Variants in CTTNBP2 observed in about 807,000 individuals in gnomAD.
The protein encoded by CTTNBP2 is cortactin-binding protein 2.
In CTTNBP2, 108 loss-of-function variants were observed where a neutral mutation model predicts 156.9. That is an observed-to-expected ratio of 0.69 (90% CI 0.59 to 0.81). The LOEUF (loss-of-function observed/expected upper bound fraction) is 0.81. CTTNBP2 is among the 30% of genes least tolerant of loss of function. The pLI, the probability that CTTNBP2 is intolerant of heterozygous loss-of-function variation, is 0.00. For synonymous variants in CTTNBP2, 767 were observed against 751.8 expected (o/e 1.02, Z -0.33); for missense variants, 1,924 against 2,035.4 (o/e 0.95, Z 1.05).
At chr7:117,758,228 A>C (rs1295811739) in intron 10 of CTTNBP2, 3 of 443,828 alleles carry the variant, frequency 6.8e-6, no homozygotes, top group East Asian at 7.4e-5. Context: ...GAGATCTAGA[A>C]AGCAAATATA....
intron 20 of CTTNBP2, among the ~76,000 whole-genome samples, chr7:117,720,764 C>T (rs1794742630): frequency 6.6e-6 from 1 of 152,166 alleles, no homozygotes; most frequent in African/African-American, 2.4e-5. Context: ...TCTAAAAGTT[C>T]ACAAATGCAT....
Position 117,784,328 on chromosome 7 carries a change from T to A in CTTNBP2, c.2195A>T (p.Glu732Val). ...NVTLLSMLLN[E>V]EGLDINYSCE... is the part of the protein sequence containing the mutation. ...GGAGTAATTAATGTCCAGTCCTTCT[T>A]CATTAAGCAGCATTGATAATAAAGT... The change falls in exon 5 of 23, where the codon GAA becomes GTA. Residue 732 changes from glutamate (E) to valine (V), a missense_variant. By Grantham distance (121) the Glu-to-Val change is moderately radical (BLOSUM62 -2). Coordinates refer to ENST00000160373, the MANE Select transcript of CTTNBP2 (RefSeq NM_033427.3). 1 of 1,613,970 alleles carries A rather than the reference T, an allele frequency of 6.2e-7. No individual in the cohort carries two copies. The highest frequency in any genetic ancestry group is 8.5e-7 in the Non-Finnish European group (1 of 1,179,964).
intron 2 of CTTNBP2, among the ~76,000 whole-genome samples, chr7:117,859,246 T>C (rs1372927892): frequency 6.6e-6 from 1 of 152,192 alleles, no homozygotes; most frequent in African/African-American, 2.4e-5. Context: ...CATCTAAGGC[T>C]CCCTGTAATT....
chr7:117,747,315 G>A (rs1174552359), intron 12 of CTTNBP2, among the ~76,000 whole-genome samples: 1 of 152,116 alleles, frequency 6.6e-6, no homozygotes, highest in Non-Finnish European at 1.5e-5. Context: ...CACAGGAAAA[G>A]GCCCATCCTT....
At chr7:117,734,127 G>C (rs1795553380) in intron 16 of CTTNBP2, among the ~76,000 whole-genome samples, 1 of 152,192 alleles carries the variant, frequency 6.6e-6, no homozygotes, top group African/African-American at 2.4e-5. Flanking sequence ...CTGGACCTGG[G>C]ACCTGAGACG....
chr7:117,725,181 T>A lies in CTTNBP2; in HGVS notation c.4132A>T (p.Arg1378Ter), dbSNP rs1562954050. 1 of 1,614,042 alleles carries A rather than the reference T, an allele frequency of 6.2e-7. No homozygotes were observed. The change falls in exon 18 of 23, where the codon AGA (arginine) becomes TGA (stop). Residue 1378 changes from arginine to a stop codon, truncating the protein, a stop_gained. Transcript: ENST00000160373. LOFTEE classifies it high-confidence loss of function. ...EAILSRASVK[R>*]QPGFGQTTAK... ...GTTGTCTGCCCAAAGCCAGGTTGTC[T>A]TTTCACAGAGGCTCTTGACAATATT...
rs535299833 is a variant in CTTNBP2, at chr7:117,797,488, G to A, written c.415-4707C>T. 2.6e-5 allele frequency among the ~76,000 whole-genome samples: 4 copies of A among 152,130 alleles called. 1 individual carries two copies. The South Asian group carries it at 6.2e-4, about 24-fold the overall frequency. ...TAGAGAAAAGTAGTCAATAAAAACC[G>A]GCCCAAGATGATCCACGCTGGAATT... On this transcript the variant is annotated intron_variant, in intron 3 of 22. Coordinates refer to ENST00000160373, the MANE Select transcript of CTTNBP2 (RefSeq NM_033427.3).
intron 14 of CTTNBP2, among the ~76,000 whole-genome samples, chr7:117,740,312 T>G (rs1272279105): frequency 1.3e-5 from 2 of 151,820 alleles, no homozygotes; most frequent in African/African-American, 4.9e-5. Flanking sequence ...CTTTTGCTAC[T>G]CTTCATTTCT....
At chr7:117,865,248 GA>G (rs905705469) in intron 1 of CTTNBP2, among the ~76,000 whole-genome samples, 5 of 151,168 alleles carry the variant, frequency 3.3e-5, no homozygotes, top group Non-Finnish European at 4.4e-5. Context: ...ACGCCCCCCA[GA>G]AAAAAATCAC....
At chr7:117,785,469 C>A (rs1381620490) in intron 4 of CTTNBP2, among the ~76,000 whole-genome samples, 1 of 152,130 alleles carries the variant, frequency 6.6e-6, no homozygotes, top group African/African-American at 2.4e-5. Context: ...GGTTCTAATA[C>A]CTGTAACATT....
intron 2 of CTTNBP2, among the ~76,000 whole-genome samples, chr7:117,853,743 A>G (rs36100522): frequency 0.04 from 6,031 of 152,264 alleles, 170 homozygotes; most frequent in Non-Finnish European, 0.059. Context: ...TGGGAGATTG[A>G]GCTGCGAAAA....
chr7:117,766,356 C>CAT (rs1256474982), intron 9 of CTTNBP2, among the ~76,000 whole-genome samples: 1 of 152,120 alleles, frequency 6.6e-6, no homozygotes, highest in African/African-American at 2.4e-5. Flanking sequence ...ACACAGTTTG[C>CAT]ATATATGCTT....
intron 22 of CTTNBP2, among the ~76,000 whole-genome samples, chr7:117,717,755 A>C (rs1447263376): frequency 1.3e-5 from 2 of 152,090 alleles, no homozygotes; most frequent in African/African-American, 2.4e-5. Flanking sequence ...AAAAAAAAAA[A>C]AACATGGAGA....
At chr7:117,796,246 T>C (rs987575379) in intron 3 of CTTNBP2, among the ~76,000 whole-genome samples, 1 of 152,234 alleles carries the variant, frequency 6.6e-6, no homozygotes, top group African/African-American at 2.4e-5. Flanking sequence ...GTTATTATGT[T>C]GCTCTTTTTA....
Position 117,756,588 on chromosome 7 carries a change from G to T in CTTNBP2, c.3315C>A (p.Ile1105=), listed in dbSNP as rs1430169716. 6.2e-7 allele frequency: 1 copy of T among 1,613,820 alleles called. No homozygotes were observed. Among genetic ancestry groups the T allele is most frequent in the Non-Finnish European group, 8.5e-7 (1 of 1,179,732 alleles). ...GGTAGTTCTGCATCATCTGGAGAGG[G>T]ATCATGGAGGCATAAGTCACACTAC... ...CLSSVTYASM[I]PLQMMQNYLR... is the part of the protein sequence containing the mutation. Residue 1105 remains isoleucine, a synonymous_variant, in exon 12 of 23, where the codon ATC becomes ATA. Transcript: ENST00000160373.
chr7:117,816,524 C>A (rs1800584036), intron 2 of CTTNBP2, among the ~76,000 whole-genome samples: 1 of 152,132 alleles, frequency 6.6e-6, no homozygotes, highest in African/African-American at 2.4e-5. Context: ...AACTGCCAAC[C>A]CTCACTGCCC....
intron 21 of CTTNBP2, among the ~76,000 whole-genome samples, chr7:117,719,158 G>A (rs559626375): frequency 3.9e-5 from 6 of 152,214 alleles, no homozygotes; most frequent in South Asian, 2.1e-4. Flanking sequence ...CCAAGATCCC[G>A]CCACTGCACT....
At chr7:117,867,889 G>A (rs570098826) in intron 1 of CTTNBP2, among the ~76,000 whole-genome samples, 1 of 152,156 alleles carries the variant, frequency 6.6e-6, no homozygotes, top group African/African-American at 2.4e-5. Context: ...TTGAAAGGAG[G>A]TAATACTGAC....
At chr7:117,725,797 C>T (rs1039726167) in intron 17 of CTTNBP2, among the ~76,000 whole-genome samples, 1 of 152,094 alleles carries the variant, frequency 6.6e-6, no homozygotes. Context: ...AAGTGATTCT[C>T]GTGCCTCTGC....
Sources: gnomAD v4.1 joint callset for allele counts (sites outside exome capture counted in the v4.1 genomes callset) on GRCh38, gnomAD v4.1.1 for gene constraint, MANE v1.5 for transcripts, NCBI Gene and HGNC (gene_info 2026-07-23, HGNC 2026-07-21) for gene names.